The following ODF2 variants were observed in gnomAD, a reference collection of about 807,000 sequenced individuals.
The protein encoded by ODF2 is outer dense fiber of sperm tails 2.
Under a neutral mutation model 110.2 loss-of-function variants are expected in ODF2, and 47 were observed. That is an observed-to-expected ratio of 0.43 (90% CI 0.34 to 0.54). ODF2 has a LOEUF of 0.54. Among genes scored for constraint, ODF2 ranks in the 20% least tolerant of loss-of-function variants. ODF2 has a pLI of 0.03. For synonymous variants in ODF2, 352 were observed against 397.7 expected, an observed-to-expected ratio of 0.89 and a Z score of 1.37; for missense variants, 812 against 1,054.5, an observed-to-expected ratio of 0.77 and a Z score of 3.19.
chr9:128,455,343 A>G, upstream of ODF2: 1 of 818,590 alleles, frequency 1.2e-6, no homozygotes, highest in East Asian at 2.8e-5. Flanking sequence ...TGAGGTCAGG[A>G]GATGGAGACT....
downstream of ODF2, chr9:128,501,167 A>G (rs1846389580): frequency 6.6e-6 from 1 of 152,252 alleles, no homozygotes. Flanking sequence ...AACTGTAAGA[A>G]GGATTGCTTG....
At chr9:128,482,791 C>T (rs1373661175) in intron 9 of ODF2, 25 bp from the exon 10 acceptor site, 2 of 1,605,432 alleles carry the variant, frequency 1.2e-6, no homozygotes, top group South Asian at 2.2e-5. Flanking sequence ...CCCAGGGGCA[C>T]CTGACAGCCT....
Position 128,494,916 on chromosome 9 carries a change from C to T in ODF2, c.1911+248C>T. The stretch of plus-strand genomic sequence containing the variant: ...GTCACTGGGCCCTCCTGCTGTTGCC[C>T]CCACCCAAGACTGCTGCCTCTGCCT... On this transcript the variant is annotated intron_variant, in intron 17 of 20. Transcript: ENST00000604420. This position sits in a 1 kb window ranked among gnomAD's most constrained non-coding sequence, Gnocchi z 4.6. 7.8e-7 allele frequency: 1 copy of T among 1,277,386 alleles called. No homozygotes were observed. The highest frequency in any genetic ancestry group is 1.5e-5 in the African/African-American group (1 of 66,656). The allele number at this position is 1,277,386 out of a possible 1,614,324, so 79.1% of individuals were successfully genotyped here.
intron 14 of ODF2, among the ~76,000 whole-genome samples, chr9:128,491,932 T>C (rs1016688875): frequency 6.8e-6 from 1 of 148,048 alleles, no homozygotes; most frequent in Non-Finnish European, 1.5e-5. Context: ...AGGGGCACGA[T>C]CTCACCTTAC....
Position 128,481,568 on chromosome 9 carries a change from C to T in ODF2, c.844-12C>T. 6.2e-7 allele frequency: 1 copy of T among 1,609,090 alleles called. No individual in the cohort carries two copies. The highest frequency in any genetic ancestry group is 1.7e-5 in the Admixed American group (1 of 59,192). ...TTAATGACTTGACTTTTTCCTTTGC[C>T]TTTCTTTGAAGGATTCTGAAAGACT... On this transcript the variant is annotated splice_polypyrimidine_tract_variant and intron_variant, in intron 8 of 20. Transcript: ENST00000604420.
At chr9:128,493,602 T>C (rs1845053207) in intron 16 of ODF2, among the ~76,000 whole-genome samples, 1 of 152,128 alleles carries the variant, frequency 6.6e-6, no homozygotes, top group Non-Finnish European at 1.5e-5. Flanking sequence ...ATCTTAATGG[T>C]TACCTTGGAG....
intron 8 of ODF2, among the ~76,000 whole-genome samples, chr9:128,475,400 C>T (rs953262765): frequency 5.9e-5 from 9 of 152,258 alleles, no homozygotes; most frequent in Middle Eastern, 3.4e-3. Flanking sequence ...GACATACGTA[C>T]ACAATATAGA....
intron 10 of ODF2, among the ~76,000 whole-genome samples, chr9:128,483,706 G>A (rs747813958): frequency 1.3e-4 from 20 of 151,936 alleles, no homozygotes; most frequent in Non-Finnish European, 2.2e-4. Context: ...CCAACATGGT[G>A]AAACCCTGTC....
At chr9:128,498,669 G>C in intron 19 of ODF2, 94 bp downstream of exon 19, 5 of 718,420 alleles carry the variant, frequency 7.0e-6, no homozygotes, top group Non-Finnish European at 1.2e-5. Context: ...TGGGCACACA[G>C]TAGTACCCGC....
Position 128,485,536 on chromosome 9 carries a change from A to C in ODF2, c.1400+62A>C. ...TGAGGGACTTGGGTGTGCAGGTGGG[A>C]GGGGCCTAGTGGCTCAGGGAAGGCC... is the stretch of plus-strand genomic sequence containing the variant. On this transcript the variant is annotated intron_variant, in intron 13 of 20. Transcript: ENST00000604420. This position sits in a 1 kb window ranked among gnomAD's most constrained non-coding sequence, Gnocchi z 5.0. The C allele has an allele frequency of 4.3e-6, 4 of 933,972 alleles. No individual in the cohort carries two copies. Among genetic ancestry groups the C allele is most frequent in the Non-Finnish European group, 6.9e-6 (4 of 579,780 alleles). The allele number at this position is 933,972 out of a possible 1,614,324, so 57.9% of individuals were successfully genotyped here. A position where few individuals can be genotyped will look rare whatever the true frequency, so the allele number is the denominator to read the frequency against.
chr9:128,465,700 C>G (rs938566535), intron 4 of ODF2, among the ~76,000 whole-genome samples: 1 of 149,788 alleles, frequency 6.7e-6, no homozygotes, highest in African/African-American at 2.5e-5. Flanking sequence ...GAGATTGCAC[C>G]ACTGCACTCC....
At chr9:128,457,066 A>T in intron 1 of ODF2, 1 of 1,307,070 alleles carries the variant, frequency 7.7e-7, no homozygotes, top group South Asian at 1.4e-5. Flanking sequence ...TTCCCCCGGT[A>T]GCCACCGGCA....
chr9:128,477,147 G>C (rs1841450278), intron 8 of ODF2, among the ~76,000 whole-genome samples: 1 of 151,246 alleles, frequency 6.6e-6, no homozygotes, highest in Admixed American at 6.6e-5. Context: ...CAGGAGAATT[G>C]CTTGAACCCA....
At chr9:128,500,631 G>GT, downstream of ODF2, 1 of 105,488 alleles carries the variant, frequency 9.5e-6, no homozygotes, top group Non-Finnish European at 2.4e-5. Flanking sequence ...ATCTCTCTCA[G>GT]GTTTTTTCTG....
At chr9:128,457,382 C>G in exon 2 of ODF2, 1 of 1,613,058 alleles carries the variant, frequency 6.2e-7, no homozygotes, top group Non-Finnish European at 8.5e-7. Flanking sequence ...CAATTGCCCA[C>G]CTTTGCGGCT....
chr9:128,479,766 G>A (rs1251244386), intron 8 of ODF2, among the ~76,000 whole-genome samples: 8 of 152,156 alleles, frequency 5.3e-5, no homozygotes, highest in Non-Finnish European at 1.2e-4. Context: ...TTAGAGACAC[G>A]GAGAGGTTCC....
At chr9:128,496,384 C>T in intron 18 of ODF2, 3 of 1,336,568 alleles carry the variant, frequency 2.2e-6, no homozygotes, top group African/African-American at 1.5e-5. Context: ...CACCTGTAGG[C>T]ACCACCTGTC....
intron 14 of ODF2, among the ~76,000 whole-genome samples, chr9:128,488,553 G>A (rs527798224): frequency 6.6e-6 from 1 of 152,170 alleles, no homozygotes; most frequent in African/African-American, 2.4e-5. Flanking sequence ...ATGTGGTAAC[G>A]CATGTGAAAT....
Position 128,485,541 on chromosome 9 carries a change from C to CCT in ODF2, c.1400+68_1400+69dup. 1.1e-6 allele frequency: 1 copy of CCT among 870,276 alleles called. No homozygotes were observed. Among genetic ancestry groups the CCT allele is most frequent in the Non-Finnish European group, 1.9e-6 (1 of 526,398 alleles). The allele number at this position is 870,276 out of a possible 1,614,324, so 53.9% of individuals were successfully genotyped here. On this transcript the variant is annotated intron_variant, in intron 13 of 20. Coordinates refer to ENST00000604420, the Ensembl canonical transcript of ODF2. The surrounding 1 kb of genome is among the most constrained non-coding windows in gnomAD (Gnocchi z 5.0). ...GACTTGGGTGTGCAGGTGGGAGGGG[C>CCT]CTAGTGGCTCAGGGAAGGCCACGTG...
Sources: gnomAD v4.1 joint callset for allele counts (sites outside exome capture counted in the v4.1 genomes callset) on GRCh38, gnomAD v4.1.1 for gene constraint, Gnocchi (gnomAD v3.1) non-coding constraint, MANE v1.5 for transcripts, NCBI Gene and HGNC (gene_info 2026-07-23, HGNC 2026-07-21) for gene names.